The following CELF5 variants were observed in gnomAD, a reference collection of about 807,000 sequenced individuals.
The protein encoded by CELF5 is CUG-BP and ETR-3 like factor 5.
Under a neutral mutation model 54.9 loss-of-function variants are expected in CELF5, and 6 were observed. The observed-to-expected ratio is 0.11, with a 90% CI of 0.06 to 0.22. CELF5 has a LOEUF of 0.22. Ranked by LOEUF, CELF5 falls within the 10% of genes least tolerant of loss-of-function variation. CELF5 has a pLI of 1.00. For missense variants in CELF5, 401 were observed against 678.6 expected (o/e 0.59, Z 4.54); for synonymous variants, 271 against 290.9 (o/e 0.93, Z 0.70).
At chr19:3,266,852 G>T (rs757218069) in intron 2 of CELF5, among the ~76,000 whole-genome samples, 2 of 152,176 alleles carry the variant, frequency 1.3e-5, no homozygotes, top group African/African-American at 4.8e-5. Flanking sequence ...GTCTGAGCAC[G>T]CTCGCTCATC....
intron 1 of CELF5, among the ~76,000 whole-genome samples, chr19:3,241,660 G>A (rs768388999): frequency 9.9e-5 from 15 of 152,164 alleles, no homozygotes; most frequent in Non-Finnish European, 1.9e-4. Flanking sequence ...TTCCTTCAGG[G>A]GATCCCTCTG....
intron 1 of CELF5, among the ~76,000 whole-genome samples, chr19:3,235,646 GTGGATGGATGGA>G (rs1273273181): frequency 6.7e-5 from 3 of 44,596 alleles, no homozygotes; most frequent in African/African-American, 8.8e-5. Flanking sequence ...GGGTGGATGA[GTGGATGGATGGA>G]TGGATGGATG....
intron 5 of CELF5, among the ~76,000 whole-genome samples, chr19:3,279,713 A>AT (rs1027955671): frequency 3.2e-4 from 48 of 151,636 alleles, no homozygotes; most frequent in African/African-American, 1.1e-3. Flanking sequence ...CCTCTCTTTT[A>AT]TTTTTTTGAG....
chr19:3,267,772 G>A (rs2079903324), intron 2 of CELF5, among the ~76,000 whole-genome samples: 1 of 150,958 alleles, frequency 6.6e-6, no homozygotes, highest in Non-Finnish European at 1.5e-5. Context: ...GCTGCCTTGA[G>A]TAATGCTGCC....
chr19:3,240,061 C>T (rs1388128651), intron 1 of CELF5, among the ~76,000 whole-genome samples: 2 of 151,212 alleles, frequency 1.3e-5, no homozygotes, highest in Non-Finnish European at 2.9e-5. Flanking sequence ...CAGGCTGGAG[C>T]GCAGTGGCGA....
At chr19:3,239,884 A>G (rs867442307) in intron 1 of CELF5, among the ~76,000 whole-genome samples, 8 of 151,878 alleles carry the variant, frequency 5.3e-5, no homozygotes, top group African/African-American at 1.7e-4. Context: ...ACCTCTGACT[A>G]TGCCCAACCC....
At chr19:3,261,631 G>A (rs1040372259) in intron 2 of CELF5, among the ~76,000 whole-genome samples, 3 of 151,810 alleles carry the variant, frequency 2.0e-5, no homozygotes, top group Non-Finnish European at 4.4e-5. Context: ...ACCCACTTGG[G>A]CAACATAGAG....
intron 1 of CELF5, among the ~76,000 whole-genome samples, chr19:3,249,216 G>T (rs2079614098): frequency 6.6e-6 from 1 of 152,000 alleles, no homozygotes; most frequent in Non-Finnish European, 1.5e-5. Context: ...TGACAACATC[G>T]GAGCAGCCCA....
At chr19:3,245,266 T>C (rs1161059131) in intron 1 of CELF5, among the ~76,000 whole-genome samples, 1 of 149,318 alleles carries the variant, frequency 6.7e-6, no homozygotes, top group Admixed American at 6.7e-5. Flanking sequence ...GGTGTGTGTA[T>C]GCATCTCTGT....
At chr19:3,295,689 C>G (rs1568371007) in intron 12 of CELF5, 1 of 153,260 alleles carries the variant, frequency 6.5e-6, no homozygotes, top group Admixed American at 6.5e-5. Flanking sequence ...GCTGCAGCCT[C>G]CAGACCCCAC....
intron 9 of CELF5, 29 bp downstream of exon 9, chr19:3,284,993 G>C (rs1230385833): frequency 6.4e-7 from 1 of 1,573,350 alleles, no homozygotes; most frequent in Non-Finnish European, 8.7e-7. Flanking sequence ...GCCCGCGCTG[G>C]GCCCTGGCCC....
At chr19:3,254,218 C>A (rs1422922185) in intron 2 of CELF5, among the ~76,000 whole-genome samples, 1 of 152,192 alleles carries the variant, frequency 6.6e-6, no homozygotes, top group African/African-American at 2.4e-5. Context: ...GTCCTTCTCT[C>A]CATGCCTACT....
intron 2 of CELF5, among the ~76,000 whole-genome samples, chr19:3,256,397 A>G (rs571019848): frequency 1.3e-5 from 2 of 152,228 alleles, no homozygotes; most frequent in East Asian, 3.9e-4. Flanking sequence ...CCCTTTGTTC[A>G]TTCAGCATTT....
chr19:3,229,965 G>T (rs1483892447), intron 1 of CELF5, among the ~76,000 whole-genome samples: 2 of 152,154 alleles, frequency 1.3e-5, no homozygotes, highest in Non-Finnish European at 2.9e-5. Context: ...AGGGGTCTTA[G>T]CTTGGGGCTG....
At chr19:3,234,676 A>G (rs552085360) in intron 1 of CELF5, among the ~76,000 whole-genome samples, 1 of 152,088 alleles carries the variant, frequency 6.6e-6, no homozygotes, top group East Asian at 1.9e-4. Flanking sequence ...GCCTGAAGGT[A>G]CCTAGGACAA....
At chr19:3,267,538 C>A (rs1220186251) in intron 2 of CELF5, among the ~76,000 whole-genome samples, 1 of 152,176 alleles carries the variant, frequency 6.6e-6, no homozygotes, top group East Asian at 1.9e-4. Context: ...ACAGAGAGCC[C>A]CCCAACACTG....
At chr19:3,276,517 G>C (rs1168863842) in intron 4 of CELF5, among the ~76,000 whole-genome samples, 2 of 151,270 alleles carry the variant, frequency 1.3e-5, no homozygotes, top group Non-Finnish European at 3.0e-5. Context: ...GAGCATATAG[G>C]GGGTGGGGCT....
chr19:3,274,484 G>A (rs966297868), intron 3 of CELF5, among the ~76,000 whole-genome samples: 9 of 152,212 alleles, frequency 5.9e-5, no homozygotes, highest in African/African-American at 1.9e-4. Flanking sequence ...GTGCATGTGC[G>A]TGTGCCCAGC....
At chr19:3,280,650 T>TA (rs780791318) in intron 5 of CELF5, among the ~76,000 whole-genome samples, 1 of 152,316 alleles carries the variant, frequency 6.6e-6, no homozygotes, top group South Asian at 2.1e-4. Flanking sequence ...CAGGATCATC[T>TA]ACTTGTCCCG....
Sources: gnomAD v4.1 joint callset for allele counts (sites outside exome capture counted in the v4.1 genomes callset) on GRCh38, gnomAD v4.1.1 for gene constraint, MANE v1.5 for transcripts, NCBI Gene and HGNC (gene_info 2026-07-23, HGNC 2026-07-21) for gene names.